VDAC2: variants seen among roughly 807,000 people sequenced by gnomAD.
VDAC2 encodes voltage dependent anion channel 2.
A neutral mutation model predicts 36.6 loss-of-function variants in VDAC2; 6 were observed. The observed-to-expected ratio is 0.16, with a 90% CI of 0.09 to 0.32. The LOEUF is 0.32. Ranked by LOEUF, VDAC2 falls within the 10% of genes least tolerant of loss-of-function variation. The pLI, the probability that VDAC2 is intolerant of heterozygous loss-of-function variation, is 1.00. For missense variants in VDAC2, 247 were observed against 346.0 expected (o/e 0.71, Z 2.27); for synonymous variants, 109 against 123.8 (o/e 0.88, Z 0.79).
chr10:75,226,793 A>G (rs376053333), intron 8 of VDAC2, among the ~76,000 whole-genome samples: 10 of 152,212 alleles, frequency 6.6e-5, no homozygotes, highest in South Asian at 2.1e-4. Context: ...GCCTCTTTCA[A>G]CCACATCTGA....
intron 7 of VDAC2, among the ~76,000 whole-genome samples, chr10:75,221,950 T>C (rs928993334): frequency 1.3e-5 from 2 of 152,252 alleles, no homozygotes; most frequent in African/African-American, 4.8e-5. Context: ...CACCTTTTTA[T>C]ATGTGTGTGT....
chr10:75,213,266 G>C (rs939899862), intron 3 of VDAC2, among the ~76,000 whole-genome samples: 2 of 150,576 alleles, frequency 1.3e-5, no homozygotes, highest in Admixed American at 6.6e-5. Flanking sequence ...TTTTAGTAGA[G>C]ACGAGGTTTC....
chr10:75,218,597 A>G (rs889294412), intron 4 of VDAC2, among the ~76,000 whole-genome samples: 2 of 152,148 alleles, frequency 1.3e-5, no homozygotes, highest in African/African-American at 4.8e-5. Context: ...CTCCATCTGT[A>G]CTAAAAATAC....
chr10:75,210,967 C>A, intron 1 of VDAC2, 29 bp downstream of exon 1: 1 of 523,894 alleles, frequency 1.9e-6, no homozygotes, highest in Non-Finnish European at 3.2e-6. Context: ...CACGCCGACC[C>A]AGGGGCCTAG....
rs1321160654 is a variant in VDAC2 at position 75,229,624 on chromosome 10, G to A, written c.736-20G>A. On this transcript the variant is annotated intron_variant, in intron 8 of 9. Transcript: ENST00000332211. ...CTATTGAAATATTTTTCTTACAGTTGTTTTTGTATTTTATTTTAGGCAAAA... is the reference window on the plus strand; with the variant it reads ...CTATTGAAATATTTTTCTTACAGTTATTTTTGTATTTTATTTTAGGCAAAA... 6 of 1,588,272 alleles carry A rather than the reference G, an allele frequency of 3.8e-6. No homozygotes were observed. The highest frequency in any genetic ancestry group is 5.1e-6 in the Non-Finnish European group (6 of 1,167,284).
intron 8 of VDAC2, among the ~76,000 whole-genome samples, chr10:75,226,179 T>A (rs1841946555): frequency 6.6e-6 from 1 of 152,296 alleles, no homozygotes; most frequent in Middle Eastern, 3.4e-3. Context: ...TAGATATGTC[T>A]GTTATATAAA....
At chr10:75,221,688 T>A (rs1345593346) in intron 7 of VDAC2, among the ~76,000 whole-genome samples, 4 of 152,084 alleles carry the variant, frequency 2.6e-5, no homozygotes, top group Non-Finnish European at 5.9e-5. Context: ...TGCCCAGGCT[T>A]GTCTCAAACT....
chr10:75,214,547 C>T (rs1254002337), intron 4 of VDAC2, among the ~76,000 whole-genome samples: 3 of 151,198 alleles, frequency 2.0e-5, no homozygotes, highest in South Asian at 2.1e-4. Flanking sequence ...TTTTTTGAGA[C>T]GGAGTCTCAC....
At chr10:75,227,432 A>C (rs185654625) in intron 8 of VDAC2, among the ~76,000 whole-genome samples, 96 of 152,314 alleles carry the variant, frequency 6.3e-4, no homozygotes, top group Non-Finnish European at 1.2e-3. Flanking sequence ...GAGAACATCT[A>C]GCTGGAGTCT....
intron 2 of VDAC2, chr10:75,211,772 C>T: frequency 7.5e-7 from 1 of 1,327,444 alleles, no homozygotes; most frequent in Non-Finnish European, 1.0e-6. Flanking sequence ...AAATTCTCTT[C>T]CCACTCCAGG....
chr10:75,224,189 C>T (rs763685724), intron 8 of VDAC2, among the ~76,000 whole-genome samples: 1 of 152,176 alleles, frequency 6.6e-6, no homozygotes, highest in Non-Finnish European at 1.5e-5. Context: ...AAGCCCTTAA[C>T]CTGTGGCATC....
At chr10:75,218,191 G>C in intron 4 of VDAC2, 1 of 332,458 alleles carries the variant, frequency 3.0e-6, no homozygotes, top group South Asian at 2.3e-5. Context: ...GGGTCTCACT[G>C]TGTCACCCAT....
At position 75,226,453 on chromosome 10, in the gene VDAC2, T is replaced by G. The variant is rs896436298; in HGVS notation, c.736-3191T>G. On this transcript the variant is annotated intron_variant, in intron 8 of 9. Coordinates refer to ENST00000332211, the MANE Select transcript of VDAC2 (RefSeq NM_001391963.1). ...AAGTGAAAGACAGTCTTTTGTGGGT[T>G]TTTTTTTTTTTTTTTTTTTTTAATG... Among the ~76,000 whole-genome samples, 26 of 71,548 alleles carry G rather than the reference T, an allele frequency of 3.6e-4. No homozygotes were observed. The East Asian group carries it at 7.9e-3, about 22-fold the overall frequency. 46.9% of individuals were successfully genotyped at this position (71,548 alleles called of 152,430 possible).
At chr10:75,221,113 C>A in intron 7 of VDAC2, 143 bp downstream of exon 7, 2 of 877,018 alleles carry the variant, frequency 2.3e-6, no homozygotes, top group Non-Finnish European at 1.7e-6. Flanking sequence ...TTCTAGGGTG[C>A]CCCTTGAAAG....
intron 8 of VDAC2, among the ~76,000 whole-genome samples, chr10:75,226,451 GTTTT>G (rs147954706): frequency 4.3e-4 from 43 of 100,900 alleles, no homozygotes; most frequent in Non-Finnish European, 6.0e-4. Context: ...TCTTTTGTGG[GTTTT>G]TTTTTTTTTT....
chr10:75,231,100 G>A lies in VDAC2; in HGVS notation c.*111G>A. On this transcript the variant is annotated 3_prime_UTR_variant, in exon 10 of 10. Transcript: ENST00000332211. ...CCCCAAGAAGATGATCAAAACAAAGGATGATCTCAACAAGAGCTGTATTTT... is the reference window on the plus strand; with the variant it reads ...CCCCAAGAAGATGATCAAAACAAAGAATGATCTCAACAAGAGCTGTATTTT... The A allele has an allele frequency of 1.3e-6, 1 of 763,936 alleles. No individual in the cohort carries two copies. The highest frequency in any genetic ancestry group is 2.1e-6 in the Non-Finnish European group (1 of 469,528). 47.3% of individuals were successfully genotyped at this position (763,936 alleles called of 1,614,324 possible).
intron 4 of VDAC2, among the ~76,000 whole-genome samples, chr10:75,218,745 A>AGCGG (rs1841690950): frequency 6.6e-6 from 1 of 151,024 alleles, no homozygotes; most frequent in Admixed American, 6.6e-5. Flanking sequence ...CTGGCGATAG[A>AGCGG]GCGGGACTCT....
intron 8 of VDAC2, among the ~76,000 whole-genome samples, chr10:75,222,957 A>G (rs1031874543): frequency 6.7e-6 from 1 of 150,072 alleles, no homozygotes; most frequent in African/African-American, 2.4e-5. Flanking sequence ...GCACCTGGCT[A>G]GTATTTTAAT....
rs1253636756 is a variant in VDAC2, at chr10:75,211,162, G to A, written c.4G>A (p.Ala2Thr). The change falls in exon 2 of 10, where the codon GCG becomes ACG. Residue 2 changes from alanine (A) to threonine (T), a missense_variant. Transcript: ENST00000332211. ...CCCCTCTTCCCGCGGCCTCGCCATG[G>A]CGACCCACGGACAGACTTGCGCGCG... is the stretch of plus-strand genomic sequence containing the variant. The part of the protein sequence containing the change: M[A>T]THGQTCARPM... The A allele has an allele frequency of 5.0e-6, 8 of 1,612,356 alleles. No homozygotes were observed. The highest frequency in any genetic ancestry group is 6.8e-6 in the Non-Finnish European group (8 of 1,179,330).
Sources: allele counts gnomAD v4.1 joint callset (sites outside exome capture counted in the v4.1 genomes callset), GRCh38; gene constraint gnomAD v4.1.1; transcripts MANE v1.5; gene names NCBI Gene and HGNC (gene_info 2026-07-23, HGNC 2026-07-21).